Variants in DNAH9 observed in about 807,000 individuals in gnomAD.
DNAH9 encodes the protein DNAH9 variant protein.
A neutral mutation model predicts 471.6 loss-of-function variants in DNAH9; 345 were observed. The ratio of observed to expected loss-of-function variants is 0.73; its 90% CI spans 0.67 to 0.80. The LOEUF (loss-of-function observed/expected upper bound fraction) is 0.80, where lower values mean the gene tolerates loss of function less well. DNAH9 is among the 30% of genes least tolerant of loss of function. The pLI, the probability that DNAH9 is intolerant of heterozygous loss-of-function variation, is 0.00. For missense variants in DNAH9, 5,407 were observed against 5,609.2 expected (o/e 0.96, Z 1.15); for synonymous variants, 2,093 against 2,123.6 (o/e 0.99, Z 0.40).
chr17:11,919,311 C>T (rs879395784), intron 61 of DNAH9, among the ~76,000 whole-genome samples: 6 of 151,616 alleles, frequency 4.0e-5, no homozygotes, highest in Non-Finnish European at 7.4e-5. Context: ...CTGGCTAACA[C>T]GGTGAAACCC....
At chr17:11,624,769 C>A (rs2072940283) in intron 6 of DNAH9, among the ~76,000 whole-genome samples, 1 of 151,990 alleles carries the variant, frequency 6.6e-6, no homozygotes, top group African/African-American at 2.4e-5. Context: ...TCCCACTTTC[C>A]TGGTTTGAGG....
chr17:11,716,665 A>G (rs2074969776), intron 26 of DNAH9, among the ~76,000 whole-genome samples: 1 of 152,198 alleles, frequency 6.6e-6, no homozygotes, highest in Admixed American at 6.5e-5. Flanking sequence ...AACTTTTTCT[A>G]TGCAACTTCT....
chr17:11,760,177 CT>C (rs1173726525), intron 35 of DNAH9, among the ~76,000 whole-genome samples: 2 of 152,212 alleles, frequency 1.3e-5, no homozygotes, highest in African/African-American at 2.4e-5. Flanking sequence ...GATTCCATGA[CT>C]TCGCTATTGT....
At position 11,794,325 on chromosome 17, in the gene DNAH9, G is replaced by A. The variant is rs561540367; in HGVS notation, c.8223+661G>A. Among the ~76,000 whole-genome samples the A allele has an allele frequency of 1.3e-3, 196 of 152,286 alleles. 2 individuals carry two copies. Among genetic ancestry groups the A allele is most frequent in the African/African-American group, 4.5e-3 (188 of 41,560 alleles). On this transcript the variant is annotated intron_variant, in intron 42 of 68. Transcript: ENST00000262442. ...GATCCACCCGCCTCGGCCTCCCAAAGTGCTGGGATTACAGGCGTGAGCCAC... is the reference window on the plus strand; with the variant it reads ...GATCCACCCGCCTCGGCCTCCCAAAATGCTGGGATTACAGGCGTGAGCCAC...
intron 20 of DNAH9, among the ~76,000 whole-genome samples, chr17:11,692,847 G>A (rs1420263511): frequency 6.6e-6 from 1 of 152,006 alleles, no homozygotes. Context: ...GTTATTTTTG[G>A]TTTTGGAAAA....
At chr17:11,824,814 A>AG (rs1488057692) in intron 48 of DNAH9, among the ~76,000 whole-genome samples, 1 of 152,024 alleles carries the variant, frequency 6.6e-6, no homozygotes, top group Non-Finnish European at 1.5e-5. Context: ...AATGCCAAAC[A>AG]GGTTCCTCCA....
intron 61 of DNAH9, among the ~76,000 whole-genome samples, chr17:11,915,029 A>G (rs904560225): frequency 1.3e-5 from 2 of 152,110 alleles, no homozygotes; most frequent in Admixed American, 1.3e-4. Flanking sequence ...CACCTCCTAA[A>G]TATGCTTCAA....
chr17:11,614,130 T>C (rs988828970), intron 4 of DNAH9, among the ~76,000 whole-genome samples: 1 of 152,168 alleles, frequency 6.6e-6, no homozygotes, highest in Non-Finnish European at 1.5e-5. Flanking sequence ...AAGAGTTAGG[T>C]AGAGACTTGG....
chr17:11,845,876 G>A (rs1405530347), intron 49 of DNAH9, among the ~76,000 whole-genome samples: 2 of 143,534 alleles, frequency 1.4e-5, no homozygotes, highest in Non-Finnish European at 3.1e-5. Context: ...AAATTTGTTT[G>A]AGTTCATTGT....
rs1006486234 is a variant in DNAH9 at position 11,636,731 on chromosome 17, T to C, written c.1733T>C (p.Leu578Pro). ...CTCATCCAAATGTTCAACAAAGATC[T>C]GGATGCAGTGAGGATGATCTACAGT... ...LVLIQMFNKD[L>P]DAVRMIYSQH... Residue 578 changes from leucine (L) to proline (P), a missense_variant, in exon 9 of 69, where the codon CTG becomes CCG. Leu to Pro is a moderately conservative substitution (Grantham distance 98). Around this residue, in one of 3 missense-constraint regions of DNAH9, gnomAD observed 4,636 missense variants for 4,900.3 expected, o/e 0.95. Coordinates refer to ENST00000262442, the MANE Select transcript of DNAH9 (RefSeq NM_001372.4). 3 of 1,613,904 alleles carry C rather than the reference T, an allele frequency of 1.9e-6. No homozygotes were observed. The African/African-American group carries it at 4.0e-5, about 22-fold the overall frequency.
intron 27 of DNAH9, among the ~76,000 whole-genome samples, chr17:11,720,501 C>A (rs1301153138): frequency 6.6e-6 from 1 of 152,054 alleles, no homozygotes; most frequent in African/African-American, 2.4e-5. Flanking sequence ...TGTAAACTGC[C>A]TTAAGTCCCT....
chr17:11,895,175 G>A (rs1272365335), intron 59 of DNAH9, among the ~76,000 whole-genome samples: 1 of 152,170 alleles, frequency 6.6e-6, no homozygotes, highest in African/African-American at 2.4e-5. Flanking sequence ...GTGTTGAAAA[G>A]ATCACAAACT....
intron 68 of DNAH9, among the ~76,000 whole-genome samples, chr17:11,968,201 G>GA (rs1018330911): frequency 3.3e-4 from 50 of 150,628 alleles, no homozygotes; most frequent in Middle Eastern, 3.4e-3. Flanking sequence ...GTATGTTGGG[G>GA]AAAAAAAAAG....
At chr17:11,689,323 C>T (rs1212092703) in intron 19 of DNAH9, among the ~76,000 whole-genome samples, 1 of 150,956 alleles carries the variant, frequency 6.6e-6, no homozygotes, top group Non-Finnish European at 1.5e-5. Flanking sequence ...TCTTGAATTG[C>T]CCTTCTTCCA....
chr17:11,610,246 C>T (rs2072605624), intron 2 of DNAH9, 150 bp from the exon 3 acceptor site: 1 of 591,360 alleles, frequency 1.7e-6, no homozygotes, highest in South Asian at 2.5e-5. Context: ...AGACTGTTAT[C>T]CAAAAAAGTT....
intron 6 of DNAH9, among the ~76,000 whole-genome samples, chr17:11,622,519 A>G (rs1264368583): frequency 6.6e-6 from 1 of 152,006 alleles, no homozygotes; most frequent in Non-Finnish European, 1.5e-5. Context: ...GCCTGGGCTG[A>G]CCACGAAGAA....
At chr17:11,964,709 A>C (rs1376063705) in intron 68 of DNAH9, among the ~76,000 whole-genome samples, 2 of 152,182 alleles carry the variant, frequency 1.3e-5, no homozygotes, top group Non-Finnish European at 2.9e-5. Flanking sequence ...ATGGCCTTTT[A>C]ACTTGTCTAT....
At position 11,723,916 on chromosome 17, in the gene DNAH9, G is replaced by A. The variant is rs180694952; in HGVS notation, c.5710-3902G>A. On this transcript the variant is annotated intron_variant, in intron 27 of 68. Coordinates refer to ENST00000262442, the MANE Select transcript of DNAH9 (RefSeq NM_001372.4). ...TCTGGATCTCCTGACCTTGTGATCC[G>A]CCCGCCTCAGCCTCCCAAAGTGCTG... Among the ~76,000 whole-genome samples the A allele has an allele frequency of 1.0e-3, 157 of 152,010 alleles. 3 individuals carry two copies. The highest frequency in any genetic ancestry group is 1.2e-3 in the Non-Finnish European group (80 of 67,956).
chr17:11,631,858 CAAT>C (rs1400642901), intron 7 of DNAH9, among the ~76,000 whole-genome samples: 1 of 151,352 alleles, frequency 6.6e-6, no homozygotes, highest in Non-Finnish European at 1.5e-5. Flanking sequence ...TGTTACAAAG[CAAT>C]AATAACAAAT....
Sources: allele counts gnomAD v4.1 joint callset (sites outside exome capture counted in the v4.1 genomes callset), GRCh38; gene constraint gnomAD v4.1.1; regional missense constraint gnomAD v4.1.1; transcripts MANE v1.5; gene names NCBI Gene and HGNC (gene_info 2026-07-23, HGNC 2026-07-21).